GPC6: variants seen among roughly 807,000 people sequenced by gnomAD.
GPC6 encodes the protein glypican-6.
A neutral mutation model predicts 55.2 loss-of-function variants in GPC6; 14 were observed. The observed-to-expected ratio is 0.25, with a 90% CI of 0.17 to 0.40. The LOEUF (loss-of-function observed/expected upper bound fraction) is 0.40. GPC6 is among the 10% of genes least tolerant of loss of function. GPC6 has a pLI of 1.00. For synonymous variants in GPC6, 278 were observed against 259.6 expected (o/e 1.07, Z -0.68); for missense variants, 641 against 708.5 (o/e 0.90, Z 1.08).
At chr13:94,220,984 C>T (rs1187690398) in intron 4 of GPC6, among the ~76,000 whole-genome samples, 1 of 152,008 alleles carries the variant, frequency 6.6e-6, no homozygotes, top group African/African-American at 2.4e-5. Flanking sequence ...CTTATGGGCA[C>T]ATTTATAAGA....
At chr13:93,832,914 C>T (rs1047650755) in intron 3 of GPC6, among the ~76,000 whole-genome samples, 3 of 152,092 alleles carry the variant, frequency 2.0e-5, no homozygotes, top group African/African-American at 7.2e-5. Context: ...GGAATATAGT[C>T]CGTAGGTCAT....
intron 1 of GPC6, among the ~76,000 whole-genome samples, chr13:93,485,808 G>A (rs554274306): frequency 6.6e-6 from 1 of 152,186 alleles, no homozygotes; most frequent in African/African-American, 2.4e-5. Context: ...TGAGATTTTT[G>A]CAGTTCTTCA....
intron 3 of GPC6, among the ~76,000 whole-genome samples, chr13:93,853,925 T>G (rs1272073615): frequency 1.3e-5 from 2 of 151,722 alleles, no homozygotes; most frequent in Non-Finnish European, 3.0e-5. Context: ...AGGGACAAGA[T>G]AAAATGACTG....
At chr13:93,528,964 T>C (rs1187220507) in intron 1 of GPC6, among the ~76,000 whole-genome samples, 1 of 152,164 alleles carries the variant, frequency 6.6e-6, no homozygotes, top group Non-Finnish European at 1.5e-5. Flanking sequence ...AACTATGCAT[T>C]AGTATGTGGA....
rs1215582414 is a variant in GPC6, at chr13:93,265,827, C to T, written c.160+38211C>T. On this transcript the variant is annotated intron_variant, in intron 1 of 8. Transcript: ENST00000377047. ...TTTTTCTTTTTTTTTTCAGTTTTGC[C>T]CAGGTTGGCCTCGAACGCATAGCCT... Among the ~76,000 whole-genome samples the T allele has an allele frequency of 4.0e-5, 6 of 150,436 alleles. No individual in the cohort carries two copies. In the East Asian group the frequency reaches 1.2e-3, roughly 29 times the overall value.
intron 1 of GPC6, among the ~76,000 whole-genome samples, chr13:93,249,531 C>A (rs974926393): frequency 2.6e-5 from 4 of 152,160 alleles, no homozygotes; most frequent in Non-Finnish European, 5.9e-5. Context: ...AAGAGGTTGG[C>A]ATTTCAGTCT....
At chr13:94,142,836 T>G (rs1361862668) in intron 4 of GPC6, among the ~76,000 whole-genome samples, 1 of 151,920 alleles carries the variant, frequency 6.6e-6, no homozygotes, top group East Asian at 1.9e-4. Flanking sequence ...TACTTTTTTT[T>G]TTTTTCTTTT....
At chr13:94,160,141 A>T (rs1005850514) in intron 4 of GPC6, among the ~76,000 whole-genome samples, 2 of 152,240 alleles carry the variant, frequency 1.3e-5, no homozygotes, top group Admixed American at 6.5e-5. Context: ...TCACATTCAC[A>T]TAACTTTTAT....
chr13:94,007,854 A>G (rs993190443), intron 3 of GPC6, among the ~76,000 whole-genome samples: 7 of 152,060 alleles, frequency 4.6e-5, no homozygotes, highest in Non-Finnish European at 1.0e-4. Flanking sequence ...TCTTTTTTCT[A>G]CATGTGAATC....
intron 4 of GPC6, among the ~76,000 whole-genome samples, chr13:94,084,122 GC>G: frequency 6.6e-6 from 1 of 152,302 alleles, no homozygotes; most frequent in Non-Finnish European, 1.5e-5. Flanking sequence ...ATTATTTCAT[GC>G]CAGTATTTAG....
intron 2 of GPC6, among the ~76,000 whole-genome samples, chr13:93,639,846 T>A (rs1311504753): frequency 6.6e-5 from 10 of 152,152 alleles, no homozygotes; most frequent in Admixed American, 3.9e-4. Flanking sequence ...TTCATCTTCA[T>A]CTTTATAAAT....
chr13:93,783,701 C>T (rs766788795), intron 2 of GPC6, among the ~76,000 whole-genome samples: 3 of 152,132 alleles, frequency 2.0e-5, no homozygotes, highest in Admixed American at 1.3e-4. Context: ...ATATTCCAAC[C>T]TATACTGGAA....
intron 2 of GPC6, among the ~76,000 whole-genome samples, chr13:93,584,169 T>A (rs73541559): frequency 0.062 from 9,460 of 152,216 alleles, 943 homozygotes; most frequent in African/African-American, 0.21. Flanking sequence ...TTCCCATGGA[T>A]CATTCTGAGA....
chr13:94,255,986 T>C (rs77686265), intron 4 of GPC6, among the ~76,000 whole-genome samples: 2,388 of 152,106 alleles, frequency 0.016, 32 homozygotes, highest in Non-Finnish European at 0.025. Flanking sequence ...CCATCGCAGA[T>C]CACCTGAATC....
intron 3 of GPC6, among the ~76,000 whole-genome samples, chr13:93,878,537 C>T (rs1450481373): frequency 2.6e-5 from 4 of 152,062 alleles, no homozygotes; most frequent in African/African-American, 9.7e-5. Flanking sequence ...CATCACCACA[C>T]CTGGCTAATT....
Position 93,773,046 on chromosome 13 carries a change from C to G in GPC6, c.320-57108C>G, listed in dbSNP as rs186198832. ...TTTTCCAATATATAGTAGGTTATGA[C>G]AGGACACTGCTTATCCTCACAAGGA... On this transcript the variant is annotated intron_variant, in intron 2 of 8. Coordinates refer to ENST00000377047, the MANE Select transcript of GPC6 (RefSeq NM_005708.5). Among the ~76,000 whole-genome samples, 503 of 152,182 alleles carry G rather than the reference C, an allele frequency of 3.3e-3. 2 individuals are homozygous for G. The highest frequency in any genetic ancestry group is 0.012 in the African/African-American group (486 of 41,538).
At chr13:93,698,485 CTTTTTTTTTTTTTT>C (rs57058820) in intron 2 of GPC6, among the ~76,000 whole-genome samples, 577 of 32,506 alleles carry the variant, frequency 0.018, 19 homozygotes, top group African/African-American at 0.068. Context: ...CTGTGTGGGT[CTTTTTTTTTTTTTT>C]TTTTTTTTTT....
Position 94,325,331 on chromosome 13 carries a change from C to T in GPC6, c.1152+19208C>T, listed in dbSNP as rs528947973. Among the ~76,000 whole-genome samples the T allele has an allele frequency of 4.6e-5, 7 of 152,242 alleles. 1 individual carries two copies. Among genetic ancestry groups the T allele is most frequent in the African/African-American group, 1.7e-4 (7 of 41,560 alleles). ...ACTCCAAGGGGAGTAAAGAAAGGAA[C>T]TTGGTGAAAGGCAGGGCAGAGGGCA... On this transcript the variant is annotated intron_variant, in intron 6 of 8. Coordinates refer to ENST00000377047, the MANE Select transcript of GPC6 (RefSeq NM_005708.5).
chr13:94,058,637 G>A (rs1884214709), intron 4 of GPC6, among the ~76,000 whole-genome samples: 1 of 152,168 alleles, frequency 6.6e-6, no homozygotes, highest in South Asian at 2.1e-4. Context: ...TAAGCCTGGG[G>A]CAGTTCCTCT....
Sources: gnomAD v4.1 joint callset for allele counts (sites outside exome capture counted in the v4.1 genomes callset) on GRCh38, gnomAD v4.1.1 for gene constraint, MANE v1.5 for transcripts, NCBI Gene and HGNC (gene_info 2026-07-23, HGNC 2026-07-21) for gene names.